The following CSMD1 variants were observed in gnomAD, a reference collection of about 807,000 sequenced individuals.
CSMD1 encodes CUB and Sushi multiple domains 1, also known as CUB and sushi domain-containing protein 1.
A neutral mutation model predicts 417.5 loss-of-function variants in CSMD1; 213 were observed. The ratio of observed to expected loss-of-function variants is 0.51; its 90% confidence interval spans 0.46 to 0.57. CSMD1 has a LOEUF of 0.57. CSMD1 is among the 20% of genes least tolerant of loss of function. CSMD1 has a pLI of 0.00. For missense variants in CSMD1, 6,923 were observed against 4,529.7 expected (o/e 1.53, Z -15.17); for synonymous variants, 2,862 against 1,736.8 (o/e 1.65, Z -16.11).
chr8:4,118,539 G>T (rs1165948485), intron 3 of CSMD1, among the ~76,000 whole-genome samples: 2 of 152,064 alleles, frequency 1.3e-5, no homozygotes, highest in South Asian at 2.1e-4. Context: ...AACCAAAATG[G>T]GATACCATCT....
chr8:4,591,774 C>T (rs765492964), intron 2 of CSMD1, among the ~76,000 whole-genome samples: 10 of 152,008 alleles, frequency 6.6e-5, no homozygotes, highest in Admixed American at 6.6e-4. Context: ...AAATACTTAG[C>T]GTATTGAGGG....
intron 3 of CSMD1, among the ~76,000 whole-genome samples, chr8:4,159,988 T>C (rs866342151): frequency 6.6e-6 from 1 of 151,920 alleles, no homozygotes; most frequent in Non-Finnish European, 1.5e-5. Flanking sequence ...TTGGGTTCAA[T>C]GTATAATGCT....
At chr8:3,629,773 A>G (rs1796686054) in intron 7 of CSMD1, among the ~76,000 whole-genome samples, 1 of 152,234 alleles carries the variant, frequency 6.6e-6, no homozygotes, top group African/African-American at 2.4e-5. Flanking sequence ...TTTCAAAAAG[A>G]CAGATTACTT....
chr8:3,799,515 G>C (rs907919884), intron 5 of CSMD1, among the ~76,000 whole-genome samples: 1 of 150,054 alleles, frequency 6.7e-6, no homozygotes. Flanking sequence ...AAGCATACAT[G>C]TAACATTAGG....
At chr8:4,165,610 C>G (rs1185220800) in intron 3 of CSMD1, among the ~76,000 whole-genome samples, 1 of 152,106 alleles carries the variant, frequency 6.6e-6, no homozygotes, top group Non-Finnish European at 1.5e-5. Flanking sequence ...ACTATGTTGC[C>G]CAGGCTTGGC....
chr8:4,972,170 A>T (rs1477538698), intron 1 of CSMD1, among the ~76,000 whole-genome samples: 2 of 152,126 alleles, frequency 1.3e-5, no homozygotes, highest in Non-Finnish European at 2.9e-5. Context: ...ACACACGTAG[A>T]AGTTATAAAA....
intron 49 of CSMD1, among the ~76,000 whole-genome samples, chr8:3,072,981 C>A (rs1226685604): frequency 6.6e-6 from 1 of 152,092 alleles, no homozygotes; most frequent in East Asian, 1.9e-4. Context: ...CAACTCTTCT[C>A]CTAATGAAAA....
intron 2 of CSMD1, among the ~76,000 whole-genome samples, chr8:4,583,260 G>C (rs1257214942): frequency 6.6e-6 from 1 of 152,234 alleles, no homozygotes; most frequent in East Asian, 1.9e-4. Context: ...CAGCCGTGGT[G>C]CGGGACCCAC....
chr8:3,455,134 A>G (rs1816021185), intron 12 of CSMD1, among the ~76,000 whole-genome samples: 1 of 152,164 alleles, frequency 6.6e-6, no homozygotes, highest in African/African-American at 2.4e-5. Context: ...TTCATCAGGT[A>G]GTTCTCCTGC....
chr8:3,148,824 G>A (rs562788893), intron 40 of CSMD1, among the ~76,000 whole-genome samples: 14 of 152,198 alleles, frequency 9.2e-5, no homozygotes, highest in South Asian at 8.3e-4. Flanking sequence ...TTCTCACTTC[G>A]TATCTATTAC....
At chr8:3,294,787 C>G (rs1025322417) in intron 25 of CSMD1, among the ~76,000 whole-genome samples, 1 of 152,218 alleles carries the variant, frequency 6.6e-6, no homozygotes, top group South Asian at 2.1e-4. Context: ...GAGTTGATGC[C>G]TCCCCCTGCT....
chr8:3,685,586 G>T (rs925669175), intron 7 of CSMD1, among the ~76,000 whole-genome samples: 1 of 152,124 alleles, frequency 6.6e-6, no homozygotes, highest in African/African-American at 2.4e-5. Context: ...GAAGCATCTG[G>T]CATCTCATTG....
At chr8:4,747,379 C>T (rs940785553) in intron 1 of CSMD1, among the ~76,000 whole-genome samples, 11 of 152,052 alleles carry the variant, frequency 7.2e-5, no homozygotes, top group East Asian at 3.9e-4. Context: ...GTTTTCATGG[C>T]GAGACACACA....
intron 3 of CSMD1, among the ~76,000 whole-genome samples, chr8:4,055,146 G>A (rs1018384428): frequency 6.6e-6 from 1 of 152,158 alleles, no homozygotes; most frequent in African/African-American, 2.4e-5. Context: ...GCCTACTTCA[G>A]AAACTGTTTG....
In CSMD1 at chr8:3,925,156, A is replaced by T. The variant is rs529787222; in HGVS notation, c.818+72747T>A. On this transcript the variant is annotated intron_variant, in intron 5 of 69. Coordinates refer to ENST00000635120, the MANE Select transcript of CSMD1 (RefSeq NM_033225.6). ...GCCACCCAGCTAATCCACTTCCCAAATCCTGACCCATAGAAATTATGAGAA... is the reference window on the plus strand; with the variant it reads ...GCCACCCAGCTAATCCACTTCCCAATTCCTGACCCATAGAAATTATGAGAA... 2.6e-5 allele frequency among the ~76,000 whole-genome samples: 4 copies of T among 152,264 alleles called. No homozygotes were observed. In the East Asian group the frequency reaches 7.7e-4, roughly 29 times the overall value.
intron 1 of CSMD1, among the ~76,000 whole-genome samples, chr8:4,667,132 G>A (rs992568674): frequency 6.6e-6 from 1 of 152,010 alleles, no homozygotes; most frequent in African/African-American, 2.4e-5. Flanking sequence ...GTGTTACCTT[G>A]TCCCCTTTCT....
chr8:3,992,576 G>T lies in CSMD1; in HGVS notation c.818+5327C>A, dbSNP rs375708881. Among the ~76,000 whole-genome samples the T allele has an allele frequency of 4.6e-5, 7 of 152,284 alleles. No homozygotes were observed. The East Asian group carries it at 9.7e-4, about 21-fold the overall frequency. ...AGCCAGCAGAATTCCTTGAGTCCAG[G>T]ATTTTGAGACCAGCTTGGGCAACAC... On this transcript the variant is annotated intron_variant, in intron 5 of 69. Coordinates refer to ENST00000635120, the MANE Select transcript of CSMD1 (RefSeq NM_033225.6).
chr8:3,128,091 G>A (rs1817604594), intron 41 of CSMD1: 1 of 152,072 alleles, frequency 6.6e-6, no homozygotes, highest in South Asian at 2.1e-4. Context: ...GAAAATCTAA[G>A]TATCAATAAG....
intron 3 of CSMD1, among the ~76,000 whole-genome samples, chr8:4,350,614 G>T (rs971058594): frequency 1.3e-5 from 2 of 152,136 alleles, no homozygotes; most frequent in Admixed American, 6.5e-5. Flanking sequence ...GAACAAAACT[G>T]ACCTGGGCAA....
Sources: gnomAD v4.1 joint callset for allele counts (sites outside exome capture counted in the v4.1 genomes callset) on GRCh38, gnomAD v4.1.1 for gene constraint, MANE v1.5 for transcripts, NCBI Gene and HGNC (gene_info 2026-07-23, HGNC 2026-07-21) for gene names.